MAML3: variants seen among roughly 807,000 people sequenced by gnomAD.
MAML3 encodes the protein mastermind-like protein 3.
MAML3 carries 27 observed loss-of-function variants against 101.9 expected under a neutral mutation model. That is an observed-to-expected ratio of 0.27 (90% CI 0.20 to 0.37). The LOEUF (loss-of-function observed/expected upper bound fraction) is 0.37, where lower values mean the gene tolerates loss of function less well. Among genes scored for constraint, MAML3 ranks in the 10% least tolerant of loss-of-function variants. The pLI, the probability that MAML3 is intolerant of heterozygous loss-of-function variation, is 1.00. For synonymous variants in MAML3, 501 were observed against 555.9 expected (o/e 0.90, Z 1.39); for missense variants, 1,316 against 1,444.9 (o/e 0.91, Z 1.45).
At chr4:139,941,127 T>C (rs749074249) in intron 1 of MAML3, among the ~76,000 whole-genome samples, 9 of 152,232 alleles carry the variant, frequency 5.9e-5, no homozygotes, top group Non-Finnish European at 1.2e-4. Flanking sequence ...CATAAAAACA[T>C]GCTGCTTTTT....
chr4:139,853,404 G>T (rs1731594757), intron 2 of MAML3, among the ~76,000 whole-genome samples: 1 of 152,176 alleles, frequency 6.6e-6, no homozygotes, highest in South Asian at 2.1e-4. Context: ...CAGTAGGGCA[G>T]GTGGGGGGCC....
chr4:140,122,712 A>G (rs1247245989), intron 1 of MAML3, among the ~76,000 whole-genome samples: 10 of 148,782 alleles, frequency 6.7e-5, no homozygotes, highest in African/African-American at 2.0e-4. Flanking sequence ...GAATGGCGTG[A>G]ACCCGGGAGG....
intron 2 of MAML3, among the ~76,000 whole-genome samples, chr4:139,854,528 T>C (rs1731620354): frequency 6.6e-6 from 1 of 150,902 alleles, no homozygotes; most frequent in South Asian, 2.1e-4. Flanking sequence ...ATATCAGTGA[T>C]GTTAAGTGAC....
At chr4:139,743,535 T>C (rs890294107) in intron 2 of MAML3, among the ~76,000 whole-genome samples, 1 of 152,186 alleles carries the variant, frequency 6.6e-6, no homozygotes, top group Non-Finnish European at 1.5e-5. Flanking sequence ...CAACCAAACC[T>C]TTTCTGGAAG....
At chr4:140,096,795 G>A (rs1023265105) in intron 1 of MAML3, among the ~76,000 whole-genome samples, 4 of 152,060 alleles carry the variant, frequency 2.6e-5, no homozygotes, top group East Asian at 1.9e-4. Flanking sequence ...TTACCCTCAC[G>A]ATGATGAGCA....
At chr4:139,770,463 T>G (rs1729952709) in intron 2 of MAML3, among the ~76,000 whole-genome samples, 1 of 152,196 alleles carries the variant, frequency 6.6e-6, no homozygotes, top group Non-Finnish European at 1.5e-5. Context: ...AAAAAGACTA[T>G]TCTGTTTGTG....
At chr4:139,743,634 C>G (rs1729230346) in intron 2 of MAML3, among the ~76,000 whole-genome samples, 1 of 152,168 alleles carries the variant, frequency 6.6e-6, no homozygotes, top group African/African-American at 2.4e-5. Context: ...AACTTGAAAT[C>G]TGTCTCAGAT....
chr4:139,853,224 C>T lies in MAML3; in HGVS notation c.2079+36133G>A, dbSNP rs113744904. Among the ~76,000 whole-genome samples, 541 of 152,298 alleles carry T rather than the reference C, an allele frequency of 3.6e-3. 2 individuals carry two copies. Among genetic ancestry groups the T allele is most frequent in the Non-Finnish European group, 4.1e-3 (278 of 68,024 alleles). On this transcript the variant is annotated intron_variant, in intron 2 of 4. Coordinates refer to ENST00000509479, the MANE Select transcript of MAML3 (RefSeq NM_018717.5). The stretch of plus-strand genomic sequence containing the variant: ...CTTCTAATCTGTATTCAAAGTTCAT[C>T]CATTTCAAATGGTACCATTTAAAAA...
intron 1 of MAML3, among the ~76,000 whole-genome samples, chr4:140,129,170 A>T (rs1470236677): frequency 6.6e-6 from 1 of 152,226 alleles, no homozygotes; most frequent in Non-Finnish European, 1.5e-5. Flanking sequence ...AAGAGATGAT[A>T]ACATGCAAAG....
intron 1 of MAML3, among the ~76,000 whole-genome samples, chr4:140,149,365 A>C (rs550473883): frequency 4.6e-5 from 7 of 152,292 alleles, no homozygotes; most frequent in African/African-American, 1.7e-4. Flanking sequence ...GAGGACTCAC[A>C]CAGAACCCAG....
At chr4:139,883,443 T>A (rs1236285477) in intron 2 of MAML3, among the ~76,000 whole-genome samples, 1 of 152,122 alleles carries the variant, frequency 6.6e-6, no homozygotes, top group East Asian at 1.9e-4. Context: ...GGCTAAACTG[T>A]GAGGCACTAT....
chr4:140,104,382 T>TAATATATTATATATTATATAATATATA (rs578127064), intron 1 of MAML3, among the ~76,000 whole-genome samples: 1 of 39,910 alleles, frequency 2.5e-5, no homozygotes, highest in African/African-American at 5.2e-5. Flanking sequence ...ATATAATATA[T>TAATATATTATATATTATATAATATATA]ATATATTATA....
At chr4:139,880,376 A>AT (rs995189446) in intron 2 of MAML3, among the ~76,000 whole-genome samples, 1 of 151,932 alleles carries the variant, frequency 6.6e-6, no homozygotes, top group Non-Finnish European at 1.5e-5. Context: ...TAAGATCTGG[A>AT]TTTTGGGGCC....
intron 1 of MAML3, among the ~76,000 whole-genome samples, chr4:140,104,755 G>C (rs995165145): frequency 1.3e-5 from 2 of 151,834 alleles, no homozygotes; most frequent in Non-Finnish European, 2.9e-5. Flanking sequence ...GCCTTCCAAA[G>C]TGCTGGGATT....
chr4:139,949,797 T>C (rs1180694235), intron 1 of MAML3, among the ~76,000 whole-genome samples: 2 of 152,216 alleles, frequency 1.3e-5, no homozygotes, highest in African/African-American at 4.8e-5. Flanking sequence ...TGATGTCCAG[T>C]TGTTTGGTCA....
intron 2 of MAML3, among the ~76,000 whole-genome samples, chr4:139,782,255 T>A (rs1423510211): frequency 6.6e-6 from 1 of 152,216 alleles, no homozygotes; most frequent in African/African-American, 2.4e-5. Context: ...CTCAAACTTC[T>A]GCACTCAAGC....
At chr4:139,793,933 G>A (rs76152233) in intron 2 of MAML3, among the ~76,000 whole-genome samples, 3 of 152,030 alleles carry the variant, frequency 2.0e-5, no homozygotes, top group Admixed American at 1.3e-4. Context: ...GAAAAAAAAC[G>A]AACAGCACTG....
At chr4:140,064,621 T>C (rs77337589) in intron 1 of MAML3, among the ~76,000 whole-genome samples, 2 of 152,190 alleles carry the variant, frequency 1.3e-5, no homozygotes, top group East Asian at 3.8e-4. Context: ...AGCAGATCAA[T>C]AAGGAACAAA....
chr4:139,786,308 G>T (rs1578600463), intron 2 of MAML3, among the ~76,000 whole-genome samples: 1 of 151,932 alleles, frequency 6.6e-6, no homozygotes, highest in Non-Finnish European at 1.5e-5. Flanking sequence ...CTAAGACAAG[G>T]CGTATGAGTG....
Sources: gnomAD v4.1 joint callset for allele counts (sites outside exome capture counted in the v4.1 genomes callset) on GRCh38, gnomAD v4.1.1 for gene constraint, MANE v1.5 for transcripts, NCBI Gene and HGNC (gene_info 2026-07-23, HGNC 2026-07-21) for gene names.